The following MTUS2 variants were observed in gnomAD, a reference collection of about 807,000 sequenced individuals.
The protein encoded by MTUS2 is microtubule-associated tumor suppressor candidate 2.
In MTUS2, 40 loss-of-function variants were observed where a neutral mutation model predicts 114.1. The observed-to-expected ratio is 0.35, with a 90% CI of 0.27 to 0.46. The LOEUF (loss-of-function observed/expected upper bound fraction) is 0.46. MTUS2 is among the 20% of genes least tolerant of loss of function. MTUS2 has a pLI of 1.00. For synonymous variants in MTUS2, 688 were observed against 672.0 expected (o/e 1.02, Z -0.37); for missense variants, 1,679 against 1,705.4 (o/e 0.98, Z 0.27).
rs1236993963 is a variant in MTUS2 at position 29,415,903 on chromosome 13, C to T, written c.3118-24080C>T. 2.0e-5 allele frequency among the ~76,000 whole-genome samples: 3 copies of T among 151,734 alleles called. No individual in the cohort carries two copies. In the East Asian group the frequency reaches 5.8e-4, roughly 29 times the overall value. ...CGTTTTCTTAGTTAACCTTTGAGCA[C>T]CTAGCTTGCCAGATTTTATTTTATT... On this transcript the variant is annotated intron_variant, in intron 8 of 15. Coordinates refer to ENST00000612955, the MANE Select transcript of MTUS2 (RefSeq NM_001033602.4).
intron 2 of MTUS2, among the ~76,000 whole-genome samples, chr13:28,995,808 G>T (rs930251558): frequency 2.6e-5 from 4 of 152,158 alleles, no homozygotes; most frequent in Non-Finnish European, 5.9e-5. Flanking sequence ...TGAGAAAATG[G>T]CGTTTTCTAG....
At chr13:29,162,675 A>G (rs532229903) in intron 5 of MTUS2, among the ~76,000 whole-genome samples, 5 of 152,318 alleles carry the variant, frequency 3.3e-5, no homozygotes, top group African/African-American at 4.8e-5. Context: ...TTAAGTGACA[A>G]TTTTGCTGTG....
intron 5 of MTUS2, among the ~76,000 whole-genome samples, chr13:29,194,327 A>G (rs1478052049): frequency 6.6e-6 from 1 of 151,916 alleles, no homozygotes; most frequent in Non-Finnish European, 1.5e-5. Context: ...ATGGGAGAAA[A>G]TTTTCGCAAC....
chr13:28,988,090 C>T (rs772794500), intron 2 of MTUS2, among the ~76,000 whole-genome samples: 8 of 152,124 alleles, frequency 5.3e-5, no homozygotes, highest in Non-Finnish European at 1.0e-4. Context: ...CATTTTACAG[C>T]CAATGTTGAA....
chr13:29,089,767 G>A (rs1052293790), intron 4 of MTUS2, among the ~76,000 whole-genome samples: 4 of 152,136 alleles, frequency 2.6e-5, no homozygotes, highest in Admixed American at 1.3e-4. Context: ...TGAAATTCCT[G>A]TAGTGAATTT....
chr13:29,238,592 C>A (rs1268235104), intron 5 of MTUS2, among the ~76,000 whole-genome samples: 1 of 152,328 alleles, frequency 6.6e-6, no homozygotes, highest in South Asian at 2.1e-4. Flanking sequence ...GAAGACTGAG[C>A]AAGTCTGCTA....
intron 5 of MTUS2, among the ~76,000 whole-genome samples, chr13:29,108,239 A>T (rs1328615818): frequency 6.6e-6 from 1 of 152,216 alleles, no homozygotes; most frequent in Non-Finnish European, 1.5e-5. Flanking sequence ...GTGGCTTGTG[A>T]GGTCAGACTT....
chr13:29,317,484 TGC>T (rs1237519307), intron 6 of MTUS2, among the ~76,000 whole-genome samples: 2 of 11,108 alleles, frequency 1.8e-4, no homozygotes, highest in Non-Finnish European at 2.6e-4. Context: ...CAGGCCGGAC[TGC>T]GGACTGCAGT....
In MTUS2 at chr13:29,179,366, C is replaced by A. The variant is rs989145234; in HGVS notation, c.2644+78396C>A. ...ATGGAAATGGAAAGAAATGAACACA[C>A]TTAAATATAAAGGGAGTTAAGATTT... On this transcript the variant is annotated intron_variant, in intron 5 of 15. Transcript: ENST00000612955. 3.3e-5 allele frequency among the ~76,000 whole-genome samples: 5 copies of A among 152,142 alleles called. No individual in the cohort carries two copies. The South Asian group carries it at 1.0e-3, about 31-fold the overall frequency.
chr13:29,237,397 A>G (rs1354371951), intron 5 of MTUS2, among the ~76,000 whole-genome samples: 1 of 152,080 alleles, frequency 6.6e-6, no homozygotes, highest in Non-Finnish European at 1.5e-5. Context: ...TCTCAGGCTA[A>G]GAGGGCTCTA....
intron 5 of MTUS2, among the ~76,000 whole-genome samples, chr13:29,227,254 G>A (rs528318959): frequency 6.4e-4 from 37 of 58,016 alleles, no homozygotes; most frequent in South Asian, 5.2e-3. Context: ...GCAAGACTCC[G>A]TCTCAAAAAA....
chr13:29,321,799 T>C (rs1437577823), intron 6 of MTUS2, among the ~76,000 whole-genome samples: 1 of 152,248 alleles, frequency 6.6e-6, no homozygotes, highest in Non-Finnish European at 1.5e-5. Context: ...TATTAAAAGT[T>C]TGGTACCTTA....
At chr13:29,216,000 T>A (rs1342559101) in intron 5 of MTUS2, among the ~76,000 whole-genome samples, 2 of 152,228 alleles carry the variant, frequency 1.3e-5, no homozygotes, top group African/African-American at 4.8e-5. Flanking sequence ...CCCCAGGTGC[T>A]CTGTCCCAGG....
chr13:29,001,654 GC>G (rs1261022191), intron 2 of MTUS2, among the ~76,000 whole-genome samples: 1 of 152,072 alleles, frequency 6.6e-6, no homozygotes, highest in East Asian at 1.9e-4. Flanking sequence ...CAGAACAGTG[GC>G]CCCCCCAAAA....
intron 5 of MTUS2, among the ~76,000 whole-genome samples, chr13:29,112,973 C>T (rs1351840251): frequency 2.0e-5 from 3 of 152,080 alleles, no homozygotes; most frequent in Non-Finnish European, 2.9e-5. Context: ...GTAAGAGGTG[C>T]ATGGGGGAAT....
At position 29,059,579 on chromosome 13, in the gene MTUS2, G is replaced by T. The variant is rs117705386; in HGVS notation, c.2446+25454G>T. 1.3e-3 allele frequency among the ~76,000 whole-genome samples: 196 copies of T among 152,230 alleles called. 3 individuals carry two copies. The East Asian group carries it at 0.032, about 25-fold the overall frequency. ...GCCCATCTGGCTGTGAGAGGCGAGG[G>T]TGGGTGAAGTTGCCTGCCATGCCAT... On this transcript the variant is annotated intron_variant, in intron 4 of 15. Transcript: ENST00000612955.
intron 8 of MTUS2, among the ~76,000 whole-genome samples, chr13:29,421,911 C>CA (rs1013164305): frequency 1.8e-4 from 27 of 152,260 alleles, no homozygotes; most frequent in African/African-American, 6.3e-4. Context: ...TTAAGGAAGA[C>CA]AAAGAAACAG....
At chr13:29,227,039 CTT>C (rs1896134172) in intron 5 of MTUS2, among the ~76,000 whole-genome samples, 1 of 152,122 alleles carries the variant, frequency 6.6e-6, no homozygotes, top group African/African-American at 2.4e-5. Context: ...AGGTGGATCT[CTT>C]GAGATCAGGA....
At chr13:28,996,352 A>C (rs1324689890) in intron 2 of MTUS2, among the ~76,000 whole-genome samples, 1 of 152,136 alleles carries the variant, frequency 6.6e-6, no homozygotes, top group African/African-American at 2.4e-5. Context: ...TATTGGTCTA[A>C]AATTTTCTTT....
Sources: gnomAD v4.1 joint callset for allele counts (sites outside exome capture counted in the v4.1 genomes callset) on GRCh38, gnomAD v4.1.1 for gene constraint, MANE v1.5 for transcripts, NCBI Gene and HGNC (gene_info 2026-07-23, HGNC 2026-07-21) for gene names.